Variants in PHACTR1 observed in about 807,000 individuals in gnomAD.
PHACTR1 encodes the protein RPEL repeat containing 1.
A neutral mutation model predicts 69.2 loss-of-function variants in PHACTR1; 16 were observed. The ratio of observed to expected loss-of-function variants is 0.23; its 90% CI spans 0.16 to 0.35. PHACTR1 has a LOEUF of 0.35. Ranked by LOEUF, PHACTR1 falls within the 10% of genes least tolerant of loss-of-function variation. The pLI is 1.00. For synonymous variants in PHACTR1, 312 were observed against 284.5 expected, an observed-to-expected ratio of 1.10 and a Z score of -0.97; for missense variants, 510 against 734.7, an observed-to-expected ratio of 0.69 and a Z score of 3.54.
rs139143799 is a variant in PHACTR1, at chr6:13,071,106, G to T, written c.415+17577G>T. Among the ~76,000 whole-genome samples the T allele has an allele frequency of 1.6e-4, 25 of 152,238 alleles. No individual in the cohort carries two copies. The East Asian group carries it at 4.4e-3, about 27-fold the overall frequency. On this transcript the variant is annotated intron_variant, in intron 5 of 14. Coordinates refer to ENST00000332995, the MANE Select transcript of PHACTR1 (RefSeq NM_030948.6). ...AAGGCAATTTGTGAATATAAAACAT[G>T]TAGAATATTAATGTCATCGCATGAA...
intron 4 of PHACTR1, among the ~76,000 whole-genome samples, chr6:12,945,307 CTA>C (rs1453189127): frequency 2.0e-5 from 3 of 152,206 alleles, no homozygotes; most frequent in Non-Finnish European, 2.9e-5. Flanking sequence ...TCTGTTTCCC[CTA>C]TGATAGCTCT....
At chr6:13,014,620 T>C (rs1366050915) in intron 4 of PHACTR1, among the ~76,000 whole-genome samples, 1 of 152,084 alleles carries the variant, frequency 6.6e-6, no homozygotes, top group African/African-American at 2.4e-5. Context: ...CCCTAGAGAC[T>C]TGTGGAGTTG....
intron 4 of PHACTR1, among the ~76,000 whole-genome samples, chr6:12,772,546 A>T (rs1561868042): frequency 6.6e-6 from 1 of 152,326 alleles, no homozygotes; most frequent in East Asian, 1.9e-4. Flanking sequence ...TTTACTCTGC[A>T]CAATGGCCTT....
intron 8 of PHACTR1, among the ~76,000 whole-genome samples, chr6:13,209,004 T>C (rs941613928): frequency 3.3e-5 from 5 of 152,240 alleles, no homozygotes; most frequent in African/African-American, 1.2e-4. Context: ...GGTCAAAGCA[T>C]AGGGTTGTCC....
chr6:13,245,639 G>A lies in PHACTR1; in HGVS notation c.1391+15446G>A, dbSNP rs1298134319. Among the ~76,000 whole-genome samples the A allele has an allele frequency of 2.0e-5, 3 of 152,066 alleles. No individual in the cohort carries two copies. Among genetic ancestry groups the A allele is most frequent in the East Asian group, 1.9e-4 (1 of 5,200 alleles). On this transcript the variant is annotated intron_variant, in intron 10 of 14. Coordinates refer to ENST00000332995, the MANE Select transcript of PHACTR1 (RefSeq NM_030948.6). The surrounding 1 kb of genome is among the most constrained non-coding windows in gnomAD (Gnocchi z 4.1). ...TACTCTGTTGACAGTTTCTTTTGCT[G>A]TACAGAAGCTCTTTGGTTTAATTAG... is the stretch of plus-strand genomic sequence containing the variant.
intron 5 of PHACTR1, among the ~76,000 whole-genome samples, chr6:13,078,832 A>G (rs1033559201): frequency 9.9e-5 from 15 of 152,188 alleles, no homozygotes; most frequent in African/African-American, 3.6e-4. Flanking sequence ...TAAGAGAAAG[A>G]ACAAGTAAAG....
In PHACTR1 at chr6:13,182,801, G is replaced by C. The variant is rs147537030; in HGVS notation, c.664+115G>C. ...TATTTTGGACTATCCTGAGCGTAAG[G>C]ATCTGGAAATTTAGTGAAACAGATT... On this transcript the variant is annotated intron_variant, in intron 7 of 14. Coordinates refer to ENST00000332995, the MANE Select transcript of PHACTR1 (RefSeq NM_030948.6). 2.2e-4 allele frequency: 228 copies of C among 1,055,782 alleles called. 2 individuals are homozygous for C. In the East Asian group the frequency reaches 6.0e-3, roughly 28 times the overall value. The allele number at this position is 1,055,782 out of a possible 1,614,324, so 65.4% of individuals were successfully genotyped here. A position where few individuals can be genotyped will look rare whatever the true frequency, so the allele number is the denominator to read the frequency against.
At chr6:12,959,108 C>T (rs533778322) in intron 4 of PHACTR1, among the ~76,000 whole-genome samples, 19 of 136,164 alleles carry the variant, frequency 1.4e-4, no homozygotes, top group Admixed American at 1.4e-3. Flanking sequence ...ACCCAGGAGG[C>T]GGAGGCTGCA....
At chr6:13,018,355 C>T (rs73366245) in intron 4 of PHACTR1, among the ~76,000 whole-genome samples, 2,374 of 152,284 alleles carry the variant, frequency 0.016, 61 homozygotes, top group African/African-American at 0.054. Flanking sequence ...ATTCTGGAAA[C>T]GTACTGCCTG....
chr6:12,789,221 C>T (rs566460943), intron 4 of PHACTR1, among the ~76,000 whole-genome samples: 1 of 152,284 alleles, frequency 6.6e-6, no homozygotes, highest in East Asian at 1.9e-4. Context: ...CACACCTCAT[C>T]TTACTTGGCT....
At chr6:12,754,128 A>ATTTTTTTTTTTTTTTTT (rs34841058) in intron 4 of PHACTR1, among the ~76,000 whole-genome samples, 1 of 112,428 alleles carries the variant, frequency 8.9e-6, no homozygotes, top group African/African-American at 3.4e-5. Context: ...ACGCCTGGCT[A>ATTTTTTTTTTTTTTTTT]TTTTTTTTTT....
chr6:13,228,136 A>C, intron 9 of PHACTR1, 73 bp downstream of exon 9: 2 of 1,507,962 alleles, frequency 1.3e-6, no homozygotes, highest in Non-Finnish European at 1.8e-6. Flanking sequence ...GAGTGGACCC[A>C]GCAGCCCAGC....
At chr6:12,979,612 G>A (rs1490250459) in intron 4 of PHACTR1, among the ~76,000 whole-genome samples, 1 of 151,944 alleles carries the variant, frequency 6.6e-6, no homozygotes, top group African/African-American at 2.4e-5. Flanking sequence ...TAACTTTGTA[G>A]CATTGTGAGC....
intron 4 of PHACTR1, chr6:12,933,753 C>T (rs747589186): frequency 1.9e-6 from 3 of 1,612,840 alleles, no homozygotes; most frequent in East Asian, 2.2e-5. Flanking sequence ...AAGACAGCCC[C>T]TACATACACT....
intron 5 of PHACTR1, among the ~76,000 whole-genome samples, chr6:13,139,113 CTT>C (rs10656438): frequency 4.9e-5 from 7 of 141,984 alleles, no homozygotes; most frequent in Non-Finnish European, 3.1e-5. Context: ...TGCTATTTGC[CTT>C]TTTTTTTTTT....
At chr6:12,944,010 T>A (rs916623658) in intron 4 of PHACTR1, among the ~76,000 whole-genome samples, 1 of 152,220 alleles carries the variant, frequency 6.6e-6, no homozygotes, top group Non-Finnish European at 1.5e-5. Flanking sequence ...ATTATTAACT[T>A]TGCCAAACTG....
At chr6:13,018,327 A>T (rs1045631369) in intron 4 of PHACTR1, among the ~76,000 whole-genome samples, 1 of 152,172 alleles carries the variant, frequency 6.6e-6, no homozygotes, top group Non-Finnish European at 1.5e-5. Flanking sequence ...GCAGTTTTCA[A>T]TTGGGGTTCA....
At chr6:12,915,562 C>A (rs1425416545) in intron 4 of PHACTR1, among the ~76,000 whole-genome samples, 7 of 149,746 alleles carry the variant, frequency 4.7e-5, no homozygotes, top group Non-Finnish European at 1.0e-4. Context: ...CTTCTTCCTG[C>A]AATGTCCCTC....
intron 6 of PHACTR1, among the ~76,000 whole-genome samples, chr6:13,170,024 C>T (rs988087070): frequency 1.1e-4 from 16 of 152,220 alleles, no homozygotes; most frequent in African/African-American, 3.9e-4. Flanking sequence ...CATTCATCAG[C>T]TGTGTACCAT....
Sources: allele counts gnomAD v4.1 joint callset (sites outside exome capture counted in the v4.1 genomes callset), GRCh38; gene constraint gnomAD v4.1.1; non-coding constraint Gnocchi (gnomAD v3.1); transcripts MANE v1.5; gene names NCBI Gene and HGNC (gene_info 2026-07-23, HGNC 2026-07-21).